The following THSD7A variants were observed in gnomAD, a reference collection of about 807,000 sequenced individuals.
THSD7A encodes thrombospondin type-1 domain-containing protein 7A.
Under a neutral mutation model 231.3 loss-of-function variants are expected in THSD7A, and 96 were observed. The ratio of observed to expected loss-of-function variants is 0.41; its 90% CI spans 0.35 to 0.49. THSD7A has a LOEUF of 0.49. Ranked by LOEUF, THSD7A falls within the 20% of genes least tolerant of loss-of-function variation. THSD7A has a pLI of 0.05. For synonymous variants in THSD7A, 940 were observed against 743.3 expected, an observed-to-expected ratio of 1.26 and a Z score of -4.30; for missense variants, 2,290 against 2,070.2, an observed-to-expected ratio of 1.11 and a Z score of -2.06.
chr7:11,715,404 T>C (rs1262603896), intron 1 of THSD7A, among the ~76,000 whole-genome samples: 1 of 151,428 alleles, frequency 6.6e-6, no homozygotes, highest in Non-Finnish European at 1.5e-5. Context: ...AAATGAAGAA[T>C]GCCTAAAAAT....
intron 1 of THSD7A, among the ~76,000 whole-genome samples, chr7:11,724,948 CT>C (rs1462534741): frequency 2.0e-5 from 3 of 151,716 alleles, no homozygotes; most frequent in Non-Finnish European, 4.4e-5. Context: ...TCTTCTTCTT[CT>C]TCGTTTTTTT....
intron 1 of THSD7A, among the ~76,000 whole-genome samples, chr7:11,791,052 T>C (rs186145051): frequency 6.6e-6 from 1 of 152,112 alleles, no homozygotes; most frequent in Non-Finnish European, 1.5e-5. Flanking sequence ...AAGCCTTGTA[T>C]AATGTTCTTA....
chr7:11,827,541 T>C (rs1290157554), intron 1 of THSD7A, among the ~76,000 whole-genome samples: 1 of 152,196 alleles, frequency 6.6e-6, no homozygotes, highest in Non-Finnish European at 1.5e-5. Context: ...TTTCTGGCCA[T>C]ACTTTCTTAG....
intron 1 of THSD7A, among the ~76,000 whole-genome samples, chr7:11,823,080 T>C (rs1421636178): frequency 6.6e-6 from 1 of 152,106 alleles, no homozygotes; most frequent in Non-Finnish European, 1.5e-5. Context: ...ATTCTTATAG[T>C]TAGGGGTCTT....
At chr7:11,712,198 A>G (rs1780990667) in intron 1 of THSD7A, among the ~76,000 whole-genome samples, 2 of 151,104 alleles carry the variant, frequency 1.3e-5, no homozygotes, top group South Asian at 4.1e-4. Context: ...AAATGATGAC[A>G]GCATGATGCA....
chr7:11,549,358 A>T (rs539347586), intron 4 of THSD7A, among the ~76,000 whole-genome samples: 1 of 152,278 alleles, frequency 6.6e-6, no homozygotes, highest in East Asian at 1.9e-4. Flanking sequence ...GCCATTGTGG[A>T]AGACAGTGTG....
chr7:11,652,816 T>A (rs1782555780), intron 1 of THSD7A, among the ~76,000 whole-genome samples: 1 of 151,982 alleles, frequency 6.6e-6, no homozygotes, highest in African/African-American at 2.4e-5. Context: ...GACTTGGAAA[T>A]GTTTATTAGA....
chr7:11,681,671 C>T (rs1783876420), intron 1 of THSD7A, among the ~76,000 whole-genome samples: 1 of 151,924 alleles, frequency 6.6e-6, no homozygotes, highest in African/African-American at 2.4e-5. Context: ...AGAAAGTATA[C>T]AGTTTAGGAA....
In THSD7A at chr7:11,529,865, T is replaced by C. The variant is rs1171986935; in HGVS notation, c.1822+11554A>G. 5.9e-5 allele frequency among the ~76,000 whole-genome samples: 9 copies of C among 152,214 alleles called. No individual in the cohort carries two copies. In the East Asian group the frequency reaches 1.7e-3, roughly 29 times the overall value. ...CTCTATGCTCAGCTAACTTTCTCTC[T>C]ATTGAACCCACCTTAGAGGAATAAA... On this transcript the variant is annotated intron_variant, in intron 6 of 27. Coordinates refer to ENST00000423059, the MANE Select transcript of THSD7A (RefSeq NM_015204.3).
intron 1 of THSD7A, among the ~76,000 whole-genome samples, chr7:11,769,737 T>G (rs1407063029): frequency 6.6e-6 from 1 of 152,172 alleles, no homozygotes; most frequent in Non-Finnish European, 1.5e-5. Context: ...CCAGTTTATT[T>G]TCAGTAAACG....
At position 11,636,631 on chromosome 7, in the gene THSD7A, C is replaced by T; in HGVS notation, c.521G>A (p.Cys174Tyr). The T allele has an allele frequency of 6.2e-7, 1 of 1,614,022 alleles. No homozygotes were observed. Among genetic ancestry groups the T allele is most frequent in the Non-Finnish European group, 8.5e-7 (1 of 1,179,894 alleles). Residue 174 changes from cysteine to tyrosine, a missense_variant, in exon 2 of 28, where the codon TGT (cysteine) becomes TAT (tyrosine). By Grantham distance (194) the Cys-to-Tyr change is radical (BLOSUM62 -2). Transcript: ENST00000423059. The surrounding 1 kb of genome is among the most constrained non-coding windows in gnomAD (Gnocchi z 10.0). ...GAGAGGCTTGGGCTCAAAGTACTCA[C>T]AGATGATATCCTCCGCAGGAATGTC... ...DKDIPAEDII[C>Y]EYFEPKPLLE...
chr7:11,634,563 T>C lies in THSD7A; in HGVS notation c.1022+1567A>G, dbSNP rs1781765353. On this transcript the variant is annotated intron_variant, in intron 2 of 27. Coordinates refer to ENST00000423059, the MANE Select transcript of THSD7A (RefSeq NM_015204.3). This position sits in a 1 kb window ranked among gnomAD's most constrained non-coding sequence, Gnocchi z 4.1. Reference sequence around the variant, plus strand: ...GAAAAGAACAAAATAGGAATTGAGTTGAAAATATACATGATACAGAATCAG... The same window carrying C: ...GAAAAGAACAAAATAGGAATTGAGTCGAAAATATACATGATACAGAATCAG... 6.7e-6 allele frequency among the ~76,000 whole-genome samples: 1 copy of C among 149,540 alleles called. No homozygotes were observed. Among genetic ancestry groups the C allele is most frequent in the Non-Finnish European group, 1.5e-5 (1 of 67,472 alleles).
intron 1 of THSD7A, among the ~76,000 whole-genome samples, chr7:11,668,586 A>C (rs1783248697): frequency 6.6e-6 from 1 of 152,228 alleles, no homozygotes; most frequent in Non-Finnish European, 1.5e-5. Context: ...GCTCCACAAT[A>C]AATCAGCACA....
At chr7:11,508,726 G>C (rs1450649144) in intron 6 of THSD7A, among the ~76,000 whole-genome samples, 1 of 152,192 alleles carries the variant, frequency 6.6e-6, no homozygotes, top group Non-Finnish European at 1.5e-5. Flanking sequence ...TAAAGAAAAT[G>C]TGGTATATAC....
chr7:11,745,340 T>C (rs192612077), intron 1 of THSD7A, among the ~76,000 whole-genome samples: 1 of 152,260 alleles, frequency 6.6e-6, no homozygotes, highest in East Asian at 1.9e-4. Context: ...ATTCTGGATA[T>C]TAGCCCTTAG....
chr7:11,699,542 A>C (rs1284806980), intron 1 of THSD7A, among the ~76,000 whole-genome samples: 1 of 151,360 alleles, frequency 6.6e-6, no homozygotes, highest in Non-Finnish European at 1.5e-5. Flanking sequence ...AAAATATAAC[A>C]TAAATCATAA....
At chr7:11,586,951 G>A (rs1779934559) in intron 4 of THSD7A, among the ~76,000 whole-genome samples, 1 of 151,866 alleles carries the variant, frequency 6.6e-6, no homozygotes, top group African/African-American at 2.4e-5. Context: ...ATTTTAGTGT[G>A]GATTTTTAAT....
At chr7:11,643,288 A>G (rs1782156342) in intron 1 of THSD7A, among the ~76,000 whole-genome samples, 1 of 152,258 alleles carries the variant, frequency 6.6e-6, no homozygotes, top group South Asian at 2.1e-4. Context: ...AATGCTACAG[A>G]ACATCTTATT....
intron 6 of THSD7A, among the ~76,000 whole-genome samples, chr7:11,525,259 C>G (rs1219300393): frequency 7.4e-6 from 1 of 135,590 alleles, no homozygotes. Context: ...CCAAAGAGCA[C>G]TGAAGTTATT....
Sources: allele counts gnomAD v4.1 joint callset (sites outside exome capture counted in the v4.1 genomes callset), GRCh38; gene constraint gnomAD v4.1.1; non-coding constraint Gnocchi (gnomAD v3.1); transcripts MANE v1.5; gene names NCBI Gene and HGNC (gene_info 2026-07-23, HGNC 2026-07-21).